The following CEP192 variants were observed in gnomAD, a reference collection of about 807,000 sequenced individuals.
The protein encoded by CEP192 is centrosomal protein of 192 kDa.
A neutral mutation model predicts 271.8 loss-of-function variants in CEP192; 151 were observed. The ratio of observed to expected loss-of-function variants is 0.56; its 90% CI spans 0.49 to 0.64. The LOEUF is 0.64. Ranked by LOEUF, CEP192 falls within the 30% of genes least tolerant of loss-of-function variation. CEP192 has a pLI of 0.00. For missense variants in CEP192, 2,910 were observed against 3,020.5 expected, an observed-to-expected ratio of 0.96 and a Z score of 0.86; for synonymous variants, 995 against 1,076.5, an observed-to-expected ratio of 0.92 and a Z score of 1.48.
chr18:13,095,544 T>C lies in CEP192; in HGVS notation c.6296T>C (p.Leu2099Ser). ...ASGKHGGNVS[L>S]DVLPVKGPQG... ...GGGAAACATGGTGGCAACGTCTCTT[T>C]GGATGTTTTACCAGTCAAAGGTCCT... The change falls in exon 35 of 45, where the codon TTG becomes TCG. Residue 2099 changes from leucine to serine, a missense_variant. By Grantham distance (145) the Leu-to-Ser change is moderately radical. Transcript: ENST00000506447. 2 of 1,614,050 alleles carry C rather than the reference T, an allele frequency of 1.2e-6. No homozygotes were observed. The highest frequency in any genetic ancestry group is 1.7e-6 in the Non-Finnish European group (2 of 1,179,974).
intron 13 of CEP192, among the ~76,000 whole-genome samples, chr18:13,040,618 T>C (rs1015590824): frequency 2.6e-5 from 4 of 152,332 alleles, no homozygotes; most frequent in Non-Finnish European, 5.9e-5. Context: ...TATTTGACAA[T>C]GTGAGTTCTA....
At chr18:13,114,068 A>C in intron 41 of CEP192, 62 bp from the exon 42 acceptor site, 1 of 1,523,580 alleles carries the variant, frequency 6.6e-7, no homozygotes, top group Non-Finnish European at 8.9e-7. Flanking sequence ...CAAATAAGTA[A>C]ATGTCCATAT....
At chr18:13,064,842 A>C (rs779536640) in intron 21 of CEP192, among the ~76,000 whole-genome samples, 6 of 152,052 alleles carry the variant, frequency 3.9e-5, no homozygotes, top group African/African-American at 1.2e-4. Context: ...GTAAATTTTA[A>C]GATTTTGTTT....
chr18:13,045,205 GTCTT>G (rs1187659394), intron 15 of CEP192, among the ~76,000 whole-genome samples: 1 of 151,800 alleles, frequency 6.6e-6, no homozygotes, highest in Non-Finnish European at 1.5e-5. Context: ...AATTCTGTTT[GTCTT>G]TCTATTTCCT....
intron 38 of CEP192, 102 bp from the exon 39 acceptor site, chr18:13,103,407 G>C: frequency 1.2e-6 from 1 of 804,948 alleles, no homozygotes; most frequent in Non-Finnish European, 2.2e-6. Flanking sequence ...TCTAATGATT[G>C]GGGTTTTTTA....
At chr18:13,045,990 A>AC (rs1224046172) in intron 15 of CEP192, among the ~76,000 whole-genome samples, 2 of 152,210 alleles carry the variant, frequency 1.3e-5, no homozygotes, top group African/African-American at 4.8e-5. Flanking sequence ...CCAGTCTGAC[A>AC]GTCTGTATTA....
At chr18:13,078,951 G>A (rs1038524222) in intron 30 of CEP192, among the ~76,000 whole-genome samples, 18 of 152,260 alleles carry the variant, frequency 1.2e-4, no homozygotes, top group African/African-American at 4.3e-4. Flanking sequence ...CCATCTTCCT[G>A]CAAAGGACGT....
chr18:13,088,963 A>G (rs1264019190), intron 32 of CEP192: 3 of 412,096 alleles, frequency 7.3e-6, no homozygotes, highest in African/African-American at 6.2e-5. Flanking sequence ...ATTGTTTTCA[A>G]ACTCTTTGCC....
chr18:13,051,481 T>C (rs1807020817), intron 17 of CEP192, among the ~76,000 whole-genome samples: 1 of 152,194 alleles, frequency 6.6e-6, no homozygotes, highest in Non-Finnish European at 1.5e-5. Flanking sequence ...AATACTTTGT[T>C]GCTGTTGGTT....
chr18:13,008,613 C>G lies in CEP192; in HGVS notation c.448C>G (p.Pro150Ala), dbSNP rs2034129470. 1.3e-6 allele frequency: 2 copies of G among 1,549,846 alleles called. No individual in the cohort carries two copies. The highest frequency in any genetic ancestry group is 2.4e-5 in the East Asian group (1 of 40,922). Residue 150 changes from proline to alanine, a missense_variant, in exon 4 of 45, where the codon CCA becomes GCA. By Grantham distance (27) the Pro-to-Ala change is conservative. Transcript: ENST00000506447. ...CCAAGATCTCTTCAACAGGGCTTCA[C>G]CACTGGAACAAGCACAAGGTACTGA... ...QGQDLFNRAS[P>A]LEQAQDSPID... is the part of the protein sequence containing the mutation.
chr18:12,998,754 A>G (rs1003553244), intron 1 of CEP192, among the ~76,000 whole-genome samples: 1 of 152,152 alleles, frequency 6.6e-6, no homozygotes, highest in African/African-American at 2.4e-5. Flanking sequence ...TGCAGTGTGT[A>G]TATGATACGT....
chr18:13,024,340 T>TA (rs1568296724), intron 9 of CEP192: 1 of 456,374 alleles, frequency 2.2e-6, no homozygotes, highest in African/African-American at 2.0e-5. Context: ...GTTTTAATGG[T>TA]ATATCTTTCT....
intron 40 of CEP192, among the ~76,000 whole-genome samples, chr18:13,111,484 G>GA (rs2040208822): frequency 6.6e-6 from 1 of 152,042 alleles, no homozygotes. Flanking sequence ...GAGATTCACC[G>GA]AAAATCAACC....
intron 21 of CEP192, among the ~76,000 whole-genome samples, chr18:13,063,224 A>G (rs757251065): frequency 6.6e-6 from 1 of 152,174 alleles, no homozygotes; most frequent in South Asian, 2.1e-4. Flanking sequence ...TCTTTTGGGT[A>G]TCTACCCAGC....
At chr18:13,078,867 A>G (rs923032893) in intron 30 of CEP192, among the ~76,000 whole-genome samples, 4 of 151,986 alleles carry the variant, frequency 2.6e-5, no homozygotes, top group Admixed American at 6.6e-5. Flanking sequence ...ATTCCCACCT[A>G]TGAGTGAGAA....
intron 39 of CEP192, chr18:13,104,103 G>A (rs1484060619): frequency 3.2e-6 from 1 of 312,580 alleles, no homozygotes; most frequent in Non-Finnish European, 6.3e-6. Context: ...GAGAATATGT[G>A]TGGAAATACA....
intron 11 of CEP192, among the ~76,000 whole-genome samples, chr18:13,032,162 G>A (rs1257052801): frequency 3.9e-5 from 6 of 152,188 alleles, no homozygotes; most frequent in Non-Finnish European, 7.3e-5. Flanking sequence ...TAGTTCTTAG[G>A]ATGTTGTAGA....
At chr18:13,084,707 A>T in intron 30 of CEP192, among the ~76,000 whole-genome samples, 1 of 152,128 alleles carries the variant, frequency 6.6e-6, no homozygotes, top group East Asian at 1.9e-4. Flanking sequence ...TTCTGTGTCA[A>T]TCACGCTGGG....
At chr18:13,100,780 C>A (rs1222450463) in intron 38 of CEP192, among the ~76,000 whole-genome samples, 1 of 152,164 alleles carries the variant, frequency 6.6e-6, no homozygotes, top group Non-Finnish European at 1.5e-5. Flanking sequence ...GTCACCAGAT[C>A]TTGACCAGAA....
Sources: allele counts gnomAD v4.1 joint callset (sites outside exome capture counted in the v4.1 genomes callset), GRCh38; gene constraint gnomAD v4.1.1; transcripts MANE v1.5; gene names NCBI Gene and HGNC (gene_info 2026-07-23, HGNC 2026-07-21).